Variants in L3MBTL4 observed in about 807,000 individuals in gnomAD.
L3MBTL4 encodes L3MBTL histone methyl-lysine binding protein 4.
L3MBTL4 carries 70 observed loss-of-function variants against 84.5 expected under a neutral mutation model. That is an observed-to-expected ratio of 0.83 (90% CI 0.68 to 1.01). The LOEUF (loss-of-function observed/expected upper bound fraction) is 1.01. Ranked by LOEUF, L3MBTL4 falls within the 50% of genes least tolerant of loss-of-function variation. L3MBTL4 has a pLI of 0.00. For missense variants in L3MBTL4, 715 were observed against 754.8 expected, an observed-to-expected ratio of 0.95 and a Z score of 0.62; for synonymous variants, 274 against 259.8, an observed-to-expected ratio of 1.05 and a Z score of -0.52.
chr18:6,216,367 A>C (rs201500748), intron 10 of L3MBTL4, among the ~76,000 whole-genome samples: 1 of 152,118 alleles, frequency 6.6e-6, no homozygotes, highest in Non-Finnish European at 1.5e-5. Context: ...CTCTATTTCA[A>C]ATTTCCTTCT....
At chr18:6,011,591 T>C (rs1319751438) in intron 16 of L3MBTL4, among the ~76,000 whole-genome samples, 2 of 152,224 alleles carry the variant, frequency 1.3e-5, no homozygotes, top group Non-Finnish European at 2.9e-5. Context: ...CTACTCAAAA[T>C]GAACTACTCC....
chr18:6,030,735 T>C, intron 16 of L3MBTL4: 1 of 976,554 alleles, frequency 1.0e-6, no homozygotes, highest in African/African-American at 1.7e-5. Context: ...TCCATTTCTC[T>C]CTACTCCCTA....
intron 1 of L3MBTL4, among the ~76,000 whole-genome samples, chr18:6,337,173 T>A (rs994279312): frequency 6.6e-6 from 1 of 152,042 alleles, no homozygotes; most frequent in Middle Eastern, 3.4e-3. Context: ...AAAATGTAAT[T>A]GGGATCCCAA....
At position 6,098,581 on chromosome 18, in the gene L3MBTL4, T is replaced by C. The variant is rs564364438; in HGVS notation, c.1200-5053A>G. 2.0e-5 allele frequency among the ~76,000 whole-genome samples: 3 copies of C among 152,276 alleles called. No homozygotes were observed. In the East Asian group the frequency reaches 5.8e-4, roughly 29 times the overall value. ...TTGTTGACAACCTTTCTTGTGATCCTGAAAAGTAAAGTCGCCCAAAATAGG... is the reference window on the plus strand; with the variant it reads ...TTGTTGACAACCTTTCTTGTGATCCCGAAAAGTAAAGTCGCCCAAAATAGG... On this transcript the variant is annotated intron_variant, in intron 14 of 18. Transcript: ENST00000317931.
At chr18:5,969,701 G>C (rs2052543097) in intron 16 of L3MBTL4, 139 bp from the exon 17 acceptor site, 2 of 756,426 alleles carry the variant, frequency 2.6e-6, no homozygotes, top group Non-Finnish European at 4.2e-6. Flanking sequence ...TGATCGTACA[G>C]CATCACCCCC....
intron 14 of L3MBTL4, among the ~76,000 whole-genome samples, chr18:6,134,068 G>A (rs1290347678): frequency 6.6e-6 from 1 of 152,174 alleles, no homozygotes; most frequent in Non-Finnish European, 1.5e-5. Context: ...CATGGCTGGG[G>A]AGGCCTCATA....
intron 5 of L3MBTL4, among the ~76,000 whole-genome samples, chr18:6,246,606 T>C (rs2047674412): frequency 6.6e-6 from 1 of 152,188 alleles, no homozygotes; most frequent in South Asian, 2.1e-4. Flanking sequence ...TTTATTCTTT[T>C]CAAAAATTAT....
intron 1 of L3MBTL4, among the ~76,000 whole-genome samples, chr18:6,387,011 T>C (rs138519635): frequency 0.011 from 1,722 of 151,928 alleles, 11 homozygotes; most frequent in African/African-American, 0.024. Context: ...AGCATTAGAG[T>C]GCAGGAGAAT....
intron 12 of L3MBTL4, among the ~76,000 whole-genome samples, chr18:6,194,672 C>G (rs16949630): frequency 0.062 from 9,428 of 152,212 alleles, 997 homozygotes; most frequent in African/African-American, 0.21. Context: ...CACAGTCAGA[C>G]AGAATGCCAA....
chr18:6,103,630 T>C (rs2058904551), intron 14 of L3MBTL4, among the ~76,000 whole-genome samples: 1 of 152,206 alleles, frequency 6.6e-6, no homozygotes, highest in Admixed American at 6.5e-5. Flanking sequence ...TGGAAGGCCC[T>C]AAGTTCAATA....
intron 1 of L3MBTL4, among the ~76,000 whole-genome samples, chr18:6,390,599 G>T (rs2055006391): frequency 6.6e-6 from 1 of 152,048 alleles, no homozygotes; most frequent in African/African-American, 2.4e-5. Context: ...ACCAAGAAAA[G>T]AAGAGACAAC....
At chr18:6,206,576 C>G (rs2045885680) in intron 12 of L3MBTL4, among the ~76,000 whole-genome samples, 1 of 152,120 alleles carries the variant, frequency 6.6e-6, no homozygotes. Flanking sequence ...CTGCTCGGCC[C>G]GTGTTTCCGT....
chr18:6,203,304 C>T (rs976973792), intron 12 of L3MBTL4, among the ~76,000 whole-genome samples: 2 of 152,244 alleles, frequency 1.3e-5, no homozygotes, highest in Non-Finnish European at 2.9e-5. Flanking sequence ...GGATAGCCGA[C>T]TCCTCCCACA....
At chr18:6,393,939 G>T (rs193046433) in intron 1 of L3MBTL4, among the ~76,000 whole-genome samples, 1 of 151,858 alleles carries the variant, frequency 6.6e-6, no homozygotes, top group Non-Finnish European at 1.5e-5. Context: ...ACCACCTTCC[G>T]CTCTCCCCTT....
chr18:6,313,321 A>G (rs16949892), intron 1 of L3MBTL4, among the ~76,000 whole-genome samples: 4,792 of 152,286 alleles, frequency 0.031, 204 homozygotes, highest in African/African-American at 0.098. Flanking sequence ...CGATCCATAC[A>G]TTATCCTTTA....
intron 12 of L3MBTL4, among the ~76,000 whole-genome samples, chr18:6,192,001 C>A (rs1176608531): frequency 2.0e-5 from 3 of 147,360 alleles, no homozygotes; most frequent in African/African-American, 5.2e-5. Flanking sequence ...CCTCCTCCCC[C>A]CCCTCAAAAA....
At chr18:6,260,997 C>A (rs2048374724) in intron 5 of L3MBTL4, 1 of 152,208 alleles carries the variant, frequency 6.6e-6, no homozygotes, top group African/African-American at 2.4e-5. Context: ...ATCTTGAACA[C>A]AAGCATCTTC....
chr18:6,002,402 A>T (rs2054252899), intron 16 of L3MBTL4, among the ~76,000 whole-genome samples: 1 of 152,184 alleles, frequency 6.6e-6, no homozygotes, highest in Non-Finnish European at 1.5e-5. Context: ...ATATTTAAAA[A>T]ACAGTATTAC....
chr18:6,118,981 T>TG (rs1450129426), intron 14 of L3MBTL4, among the ~76,000 whole-genome samples: 1 of 150,288 alleles, frequency 6.7e-6, no homozygotes, highest in South Asian at 2.1e-4. Flanking sequence ...TTGGCACAGT[T>TG]TTTTTTGGTT....
Sources: allele counts gnomAD v4.1 joint callset (sites outside exome capture counted in the v4.1 genomes callset), GRCh38; gene constraint gnomAD v4.1.1; transcripts MANE v1.5; gene names NCBI Gene and HGNC (gene_info 2026-07-23, HGNC 2026-07-21).